The following KCNH7 variants were observed in gnomAD, a reference collection of about 807,000 sequenced individuals.
The protein encoded by KCNH7 is potassium voltage-gated channel subfamily H member 7.
KCNH7 carries 49 observed loss-of-function variants against 120.8 expected under a neutral mutation model. The observed-to-expected ratio is 0.41, with a 90% confidence interval of 0.32 to 0.51. KCNH7 has a LOEUF of 0.51. Among genes scored for constraint, KCNH7 ranks in the 20% least tolerant of loss-of-function variants. The probability of loss-of-function intolerance (pLI) is 0.38; values close to 1 mark genes in which losing one functional copy is unlikely to be tolerated. For missense variants in KCNH7, 1,097 were observed against 1,446.6 expected (o/e 0.76, Z 3.92); for synonymous variants, 547 against 516.1 (o/e 1.06, Z -0.81).
chr2:162,459,007 A>AAATAATAATAATAATAAT (rs71009358), intron 6 of KCNH7, among the ~76,000 whole-genome samples: 126 of 134,832 alleles, frequency 9.3e-4, no homozygotes, highest in East Asian at 2.0e-3. Flanking sequence ...TTCTGTTTCA[A>AAATAATAATAATAATAAT]AATAATAATA....
intron 2 of KCNH7, among the ~76,000 whole-genome samples, chr2:162,544,931 G>A (rs748497341): frequency 6.6e-6 from 1 of 152,046 alleles, no homozygotes; most frequent in Non-Finnish European, 1.5e-5. Flanking sequence ...TTTGCTCCCT[G>A]GATCGCTACA....
chr2:162,630,264 T>C (rs1367053746), intron 2 of KCNH7, among the ~76,000 whole-genome samples: 1 of 152,100 alleles, frequency 6.6e-6, no homozygotes, highest in African/African-American at 2.4e-5. Flanking sequence ...CCATAGGATC[T>C]GTGGATCTAG....
chr2:162,646,244 C>T (rs1684355410), intron 2 of KCNH7, among the ~76,000 whole-genome samples: 1 of 152,172 alleles, frequency 6.6e-6, no homozygotes, highest in Non-Finnish European at 1.5e-5. Flanking sequence ...TAAAATACAA[C>T]ACTGTTGCAT....
At chr2:162,656,393 A>C (rs1684764242) in intron 2 of KCNH7, among the ~76,000 whole-genome samples, 1 of 152,226 alleles carries the variant, frequency 6.6e-6, no homozygotes, top group South Asian at 2.1e-4. Flanking sequence ...AGGGTATAGA[A>C]ATGTGTCTCA....
intron 2 of KCNH7, among the ~76,000 whole-genome samples, chr2:162,643,826 A>AAAAAAAAAAAG (rs1559060510): frequency 1.6e-5 from 2 of 123,560 alleles, no homozygotes; most frequent in Non-Finnish European, 3.5e-5. Context: ...AAAAAAAAAA[A>AAAAAAAAAAAG]AAGAAGAAAA....
Position 162,423,420 on chromosome 2 carries a change from G to A in KCNH7, c.2070C>T (p.His690=), listed in dbSNP as rs74327750. The part of the protein sequence containing the change: ...MLRVKEFIRF[H]QIPNPLRQRL... ...GTTGCCTCAGAGGGTTGGGGATTTG[G>A]TGAAAGCGAATGAACTCTTTTACTC... is the stretch of plus-strand genomic sequence containing the variant. Residue 690 remains histidine, a synonymous_variant, in exon 9 of 16, where the codon CAC becomes CAT. Coordinates refer to ENST00000332142, the MANE Select transcript of KCNH7 (RefSeq NM_033272.4). 18,136 of 1,614,114 alleles carry A rather than the reference G, an allele frequency of 0.011. 116 individuals carry two copies. The highest frequency in any genetic ancestry group is 0.018 in the Middle Eastern group (112 of 6,060).
intron 9 of KCNH7, among the ~76,000 whole-genome samples, chr2:162,415,274 ACT>A (rs1687506335): frequency 2.0e-5 from 3 of 152,046 alleles, no homozygotes; most frequent in South Asian, 2.1e-4. Flanking sequence ...GTCTAAATAA[ACT>A]CTCTATATAA....
chr2:162,695,721 C>A (rs1021569621), intron 2 of KCNH7, among the ~76,000 whole-genome samples: 1 of 152,142 alleles, frequency 6.6e-6, no homozygotes, highest in Non-Finnish European at 1.5e-5. Flanking sequence ...GGGGCAGCAG[C>A]GGTTTAGGCC....
At chr2:162,391,343 T>C (rs1402969664) in intron 12 of KCNH7, among the ~76,000 whole-genome samples, 1 of 152,100 alleles carries the variant, frequency 6.6e-6, no homozygotes, top group Non-Finnish European at 1.5e-5. Flanking sequence ...ATATGATGAA[T>C]GCTCACCTTA....
At chr2:162,714,411 T>A (rs772855876) in intron 2 of KCNH7, among the ~76,000 whole-genome samples, 1 of 151,972 alleles carries the variant, frequency 6.6e-6, no homozygotes, top group Admixed American at 6.6e-5. Context: ...GGGAGGAAAA[T>A]AAGGTATGTA....
chr2:162,752,968 GAAA>G (rs1194876932), intron 2 of KCNH7, among the ~76,000 whole-genome samples: 2 of 110,902 alleles, frequency 1.8e-5, no homozygotes, highest in African/African-American at 1.2e-4. Context: ...GAAAAGAAAA[GAAA>G]AGAAAAGAAA....
intron 2 of KCNH7, among the ~76,000 whole-genome samples, chr2:162,684,753 G>A (rs555982205): frequency 1.3e-5 from 2 of 152,222 alleles, no homozygotes; most frequent in African/African-American, 2.4e-5. Context: ...GTTGGTGGGA[G>A]TGTAAATTAG....
At chr2:162,551,868 G>C (rs1574092353) in intron 2 of KCNH7, among the ~76,000 whole-genome samples, 1 of 151,910 alleles carries the variant, frequency 6.6e-6, no homozygotes, top group East Asian at 1.9e-4. Context: ...TCAATTCCAG[G>C]CAAGCTGCTG....
intron 2 of KCNH7, among the ~76,000 whole-genome samples, chr2:162,712,797 A>G (rs1030611799): frequency 6.6e-6 from 1 of 152,214 alleles, no homozygotes; most frequent in East Asian, 1.9e-4. Context: ...TCACTTTCCA[A>G]GCCACTTGTC....
intron 9 of KCNH7, among the ~76,000 whole-genome samples, chr2:162,402,301 A>T (rs78461700): frequency 0.021 from 3,086 of 150,062 alleles, 33 homozygotes; most frequent in Non-Finnish European, 0.033. Context: ...TCTACCATTT[A>T]AACCACTTCA....
intron 3 of KCNH7, among the ~76,000 whole-genome samples, chr2:162,536,582 T>A (rs2105825361): frequency 6.6e-6 from 1 of 152,074 alleles, no homozygotes; most frequent in Non-Finnish European, 1.5e-5. Flanking sequence ...TAAAGGACCC[T>A]GAAGATACAT....
At chr2:162,467,185 A>T (rs1689337638) in intron 6 of KCNH7, among the ~76,000 whole-genome samples, 1 of 152,210 alleles carries the variant, frequency 6.6e-6, no homozygotes, top group Non-Finnish European at 1.5e-5. Context: ...AGTCAGCAGA[A>T]GTTATCTTGT....
intron 6 of KCNH7, among the ~76,000 whole-genome samples, chr2:162,497,596 A>T (rs1690537782): frequency 6.6e-6 from 1 of 152,196 alleles, no homozygotes; most frequent in Non-Finnish European, 1.5e-5. Flanking sequence ...GAACAGAATC[A>T]TAAAGAGGAT....
At chr2:162,830,356 T>C (rs1342393394) in intron 2 of KCNH7, among the ~76,000 whole-genome samples, 1 of 152,174 alleles carries the variant, frequency 6.6e-6, no homozygotes, top group African/African-American at 2.4e-5. Context: ...GTGGGAGAAA[T>C]GAAGGTGGCA....
Sources: gnomAD v4.1 joint callset for allele counts (sites outside exome capture counted in the v4.1 genomes callset) on GRCh38, gnomAD v4.1.1 for gene constraint, MANE v1.5 for transcripts, NCBI Gene and HGNC (gene_info 2026-07-23, HGNC 2026-07-21) for gene names.